IL1RAPL1: variants seen among roughly 807,000 people sequenced by gnomAD.
IL1RAPL1 encodes interleukin 1 receptor accessory protein like 1.
IL1RAPL1 carries 3 observed loss-of-function variants against 48.4 expected under a neutral mutation model. The observed-to-expected ratio is 0.06, with a 90% CI of 0.03 to 0.16. The LOEUF is 0.16. Among genes scored for constraint, IL1RAPL1 ranks in the 10% least tolerant of loss-of-function variants. The probability of loss-of-function intolerance (pLI) is 1.00; values close to 1 mark genes in which losing one functional copy is unlikely to be tolerated. For synonymous variants in IL1RAPL1, 185 were observed against 187.7 expected (o/e 0.99, Z 0.12); for missense variants, 349 against 530.6 (o/e 0.66, Z 3.36).
chrX:28,992,081 A>C (rs1304608294), intron 2 of IL1RAPL1, among the ~76,000 whole-genome samples: 3 of 112,263 alleles, frequency 2.7e-5, no homozygotes, highest in Non-Finnish European at 5.6e-5. Flanking sequence ...ATAGAATATA[A>C]AACTTGGTAG....
intron 5 of IL1RAPL1, among the ~76,000 whole-genome samples, chrX:29,403,253 C>G (rs777314373): frequency 3.6e-5 from 4 of 111,815 alleles, no homozygotes; most frequent in Non-Finnish European, 7.5e-5. Context: ...TCCAAATTAC[C>G]TTATTTATTT....
intron 5 of IL1RAPL1, among the ~76,000 whole-genome samples, chrX:29,650,717 A>G (rs767373245): frequency 2.7e-5 from 3 of 111,144 alleles, no homozygotes; most frequent in South Asian, 7.5e-4. Flanking sequence ...GTTTTGGGCA[A>G]TGATTTTTTG....
At chrX:29,832,186 T>A (rs988258005) in intron 6 of IL1RAPL1, among the ~76,000 whole-genome samples, 3 of 111,884 alleles carry the variant, frequency 2.7e-5, no homozygotes, top group African/African-American at 9.7e-5. Context: ...TTGGTGCAAA[T>A]GATTTAATGA....
chrX:29,454,480 G>T (rs1435072722), intron 5 of IL1RAPL1, among the ~76,000 whole-genome samples: 1 of 111,408 alleles, frequency 9.0e-6, no homozygotes, highest in African/African-American at 3.3e-5. Flanking sequence ...TGGGAATAAG[G>T]TGAGAACTTT....
At chrX:29,061,928 A>G (rs1927351431) in intron 2 of IL1RAPL1, among the ~76,000 whole-genome samples, 1 of 112,333 alleles carries the variant, frequency 8.9e-6, no homozygotes, top group Non-Finnish European at 1.9e-5. Context: ...AGCATTATGG[A>G]TTTACATACT....
intron 6 of IL1RAPL1, among the ~76,000 whole-genome samples, chrX:29,809,503 T>C (rs780239666): frequency 8.9e-6 from 1 of 111,832 alleles, no homozygotes; most frequent in African/African-American, 3.2e-5. Flanking sequence ...GCTATATCTT[T>C]ACTCGCCTTC....
chrX:28,880,977 C>T (rs1922488362), intron 2 of IL1RAPL1, among the ~76,000 whole-genome samples: 1 of 111,108 alleles, frequency 9.0e-6, no homozygotes, highest in African/African-American at 3.3e-5. Flanking sequence ...AATACATGCT[C>T]ATTTTCATTT....
chrX:29,406,760 A>G (rs1001573752), intron 5 of IL1RAPL1, among the ~76,000 whole-genome samples: 2 of 110,235 alleles, frequency 1.8e-5, no homozygotes, highest in South Asian at 3.8e-4. Flanking sequence ...ACTTTTAGGT[A>G]TGAATACAGT....
rs945288843 is a variant in IL1RAPL1, at chrX:29,022,369, A to G, written c.82+232944A>G. ...TTCCTATGGTAAATTTAACTTTGAT[A>G]TGCCAAAAACTATATTTGATAGAAA... On this transcript the variant is annotated intron_variant, in intron 2 of 10. Coordinates refer to ENST00000378993, the MANE Select transcript of IL1RAPL1 (RefSeq NM_014271.4). Among the ~76,000 whole-genome samples the G allele has an allele frequency of 4.5e-5, 5 of 111,773 alleles. No homozygotes were observed. The Admixed American group carries it at 4.8e-4, about 11-fold the overall frequency.
Position 28,863,506 on chromosome X carries a change from T to C in IL1RAPL1, c.82+74081T>C, listed in dbSNP as rs962817876. On this transcript the variant is annotated intron_variant, in intron 2 of 10. Coordinates refer to ENST00000378993, the MANE Select transcript of IL1RAPL1 (RefSeq NM_014271.4). ...AGAAAAGGGTTTGTTATGAGGATTA[T>C]GTGATTTAATATATGTGAGATACGT... is the stretch of plus-strand genomic sequence containing the variant. 2.7e-5 allele frequency among the ~76,000 whole-genome samples: 3 copies of C among 109,384 alleles called. No individual in the cohort carries two copies. The East Asian group carries it at 8.7e-4, about 32-fold the overall frequency. 95.0% of individuals were successfully genotyped at this position (109,384 alleles called of 115,157 possible). A position where few individuals can be genotyped will look rare whatever the true frequency, so the allele number is the denominator to read the frequency against.
At chrX:29,949,428 A>G (rs1933274347) in intron 9 of IL1RAPL1, among the ~76,000 whole-genome samples, 1 of 111,955 alleles carries the variant, frequency 8.9e-6, no homozygotes, top group African/African-American at 3.2e-5. Flanking sequence ...GGTGGAGCAT[A>G]TCTGCCGGGG....
At chrX:28,780,413 C>G (rs1158887705) in intron 1 of IL1RAPL1, among the ~76,000 whole-genome samples, 1 of 105,620 alleles carries the variant, frequency 9.5e-6, no homozygotes, top group Non-Finnish European at 1.9e-5. Flanking sequence ...AGATTGCTAA[C>G]CTGGTGTTTT....
chrX:29,618,415 C>T (rs187340925), intron 5 of IL1RAPL1, among the ~76,000 whole-genome samples: 23 of 112,085 alleles, frequency 2.1e-4, no homozygotes, highest in African/African-American at 6.8e-4. Context: ...GACTGCAAGC[C>T]ACACACGTTT....
rs1422140106 is a variant in IL1RAPL1, at chrX:28,846,175, T to C, written c.82+56750T>C. The stretch of plus-strand genomic sequence containing the variant: ...ATGTCATATAGTTGGAATCACTCAG[T>C]ATGTAACCTTTTCACATTGGCTTCT... On this transcript the variant is annotated intron_variant, in intron 2 of 10. Transcript: ENST00000378993. 3.6e-5 allele frequency among the ~76,000 whole-genome samples: 4 copies of C among 112,204 alleles called. No homozygotes were observed. In the Admixed American group the frequency reaches 3.8e-4, roughly 11 times the overall value.
At chrX:29,423,009 C>T (rs1016113693) in intron 5 of IL1RAPL1, among the ~76,000 whole-genome samples, 1 of 111,747 alleles carries the variant, frequency 8.9e-6, no homozygotes. Flanking sequence ...GACCTGAAGA[C>T]TGACAGAACT....
chrX:28,656,672 C>T (rs1469634998), intron 1 of IL1RAPL1, among the ~76,000 whole-genome samples: 2 of 111,723 alleles, frequency 1.8e-5, no homozygotes, highest in South Asian at 7.5e-4. Context: ...GATCAAATTG[C>T]CTTGCGTTGA....
chrX:29,320,546 A>G (rs1176436131), intron 3 of IL1RAPL1, among the ~76,000 whole-genome samples: 1 of 111,875 alleles, frequency 8.9e-6, no homozygotes. Context: ...AGGCTGAGGC[A>G]GGTAGATCAC....
At chrX:29,565,650 G>GA (rs757336713) in intron 5 of IL1RAPL1, among the ~76,000 whole-genome samples, 1 of 111,913 alleles carries the variant, frequency 8.9e-6, no homozygotes, top group African/African-American at 3.2e-5. Flanking sequence ...AAAGGTTGAT[G>GA]AAAAATGGCT....
chrX:28,722,219 A>G (rs1306919631), intron 1 of IL1RAPL1, among the ~76,000 whole-genome samples: 2 of 111,442 alleles, frequency 1.8e-5, no homozygotes, highest in Non-Finnish European at 1.9e-5. Context: ...AATTCTTCCT[A>G]TCCATGAGCA....
Sources: allele counts gnomAD v4.1 joint callset (sites outside exome capture counted in the v4.1 genomes callset), GRCh38; gene constraint gnomAD v4.1.1; transcripts MANE v1.5; gene names NCBI Gene and HGNC (gene_info 2026-07-23, HGNC 2026-07-21).